GAS7: variants seen among roughly 807,000 people sequenced by gnomAD.
GAS7 encodes the protein growth arrest-specific protein 7.
Under a neutral mutation model 71.1 loss-of-function variants are expected in GAS7, and 28 were observed. The observed-to-expected ratio is 0.39, with a 90% CI of 0.29 to 0.54. The LOEUF is 0.54. Ranked by LOEUF, GAS7 falls within the 20% of genes least tolerant of loss-of-function variation. The pLI is 0.62. For synonymous variants in GAS7, 258 were observed against 245.8 expected (o/e 1.05, Z -0.46); for missense variants, 436 against 627.8 (o/e 0.69, Z 3.27).
chr17:9,983,440 A>C (rs1244641815), intron 2 of GAS7, among the ~76,000 whole-genome samples: 1 of 152,128 alleles, frequency 6.6e-6, no homozygotes, highest in African/African-American at 2.4e-5. Context: ...GCAGTGAGCC[A>C]TGATGGCGCC....
chr17:10,071,347 C>T (rs9910526), intron 1 of GAS7, among the ~76,000 whole-genome samples: 7,680 of 152,230 alleles, frequency 0.05, 671 homozygotes, highest in African/African-American at 0.18. Flanking sequence ...TGGGTCTGTG[C>T]CCAGGATACA....
At chr17:10,071,001 A>G (rs924728721) in intron 1 of GAS7, among the ~76,000 whole-genome samples, 1 of 151,928 alleles carries the variant, frequency 6.6e-6, no homozygotes, top group African/African-American at 2.4e-5. Flanking sequence ...GGACTCCCAC[A>G]TCCCCATCCC....
intron 9 of GAS7, among the ~76,000 whole-genome samples, chr17:9,927,238 C>T (rs1567781581): frequency 6.6e-6 from 1 of 150,830 alleles, no homozygotes; most frequent in Non-Finnish European, 1.5e-5. Context: ...CACCTGAGGT[C>T]AGGAGTTCGA....
intron 1 of GAS7, among the ~76,000 whole-genome samples, chr17:10,048,884 A>T (rs8069150): frequency 0.082 from 12,544 of 152,280 alleles, 1,103 homozygotes; most frequent in African/African-American, 0.22. Flanking sequence ...AAAAATCCAG[A>T]GAACTGTGTG....
chr17:10,142,102 C>G (rs1597816034), intron 1 of GAS7, among the ~76,000 whole-genome samples: 1 of 151,898 alleles, frequency 6.6e-6, no homozygotes, highest in Admixed American at 6.6e-5. Context: ...GTGGCAGGTG[C>G]CTGTAGTCCC....
intron 9 of GAS7, among the ~76,000 whole-genome samples, chr17:9,931,874 G>A (rs1410599751): frequency 2.0e-5 from 3 of 152,142 alleles, no homozygotes; most frequent in African/African-American, 7.2e-5. Context: ...AGTCATCTGA[G>A]TCATTCATTC....
chr17:9,925,475 C>G lies in GAS7; in HGVS notation c.1138+1G>C. The G allele has an allele frequency of 6.2e-7, 1 of 1,614,120 alleles. No individual in the cohort carries two copies. Among genetic ancestry groups the G allele is most frequent in the Non-Finnish European group, 8.5e-7 (1 of 1,179,998 alleles). On this transcript the variant is annotated splice_donor_variant, in intron 11 of 13. Coordinates refer to ENST00000432992, the MANE Select transcript of GAS7 (RefSeq NM_201433.2). LOFTEE classifies it high-confidence loss of function. ...AGGCCAGGCGGGTGCCCAGCACTTA[C>G]CAGCCTGTGTGGACTTTCTCCGCGC... is the stretch of plus-strand genomic sequence containing the variant.
chr17:10,050,804 T>C (rs576566649), intron 1 of GAS7, among the ~76,000 whole-genome samples: 4 of 152,254 alleles, frequency 2.6e-5, no homozygotes, highest in South Asian at 2.1e-4. Flanking sequence ...TAATTTTTTT[T>C]CCCCTACATC....
chr17:9,922,411 T>C (rs1419390426), intron 11 of GAS7, among the ~76,000 whole-genome samples: 1 of 152,238 alleles, frequency 6.6e-6, no homozygotes, highest in Admixed American at 6.5e-5. Flanking sequence ...TCCACCACTG[T>C]GGACCTCATG....
At chr17:9,917,384 C>A (rs1362707159) in intron 13 of GAS7, 43 bp from the exon 14 acceptor site, 32 of 1,353,628 alleles carry the variant, frequency 2.4e-5, no homozygotes, top group Non-Finnish European at 3.4e-5. Flanking sequence ...GAGACGGCGG[C>A]CAAGCCAGGG....
chr17:10,089,364 G>A (rs543102906), intron 1 of GAS7, among the ~76,000 whole-genome samples: 1 of 152,262 alleles, frequency 6.6e-6, no homozygotes, highest in South Asian at 2.1e-4. Flanking sequence ...CTGGCATGGA[G>A]CTTTGCAGCC....
chr17:10,195,110 G>A (rs1484000581), intron 1 of GAS7, among the ~76,000 whole-genome samples: 1 of 152,158 alleles, frequency 6.6e-6, no homozygotes, highest in East Asian at 1.9e-4. Context: ...ACACTTCCCT[G>A]CCTGTGCTGA....
rs397857157 is a variant in GAS7 at position 10,178,702 on chromosome 17, CTTTTTTTTTTTTT to C, written c.183+19493_183+19505del. On this transcript the variant is annotated intron_variant, in intron 1 of 13. Coordinates refer to ENST00000432992, the MANE Select transcript of GAS7 (RefSeq NM_201433.2). ...TCAACTCCCCTCCCTCCCCCACCAC[CTTTTTTTTTTTTT>C]TTTTTTTTTTTTTTTTTTGCTGATG... 1.2e-4 allele frequency among the ~76,000 whole-genome samples: 4 copies of C among 34,534 alleles called. 1 individual carries two copies. The highest frequency in any genetic ancestry group is 2.4e-4 in the African/African-American group (2 of 8,314). The allele number at this position is 34,534 out of a possible 152,430, so 22.7% of individuals were successfully genotyped here.
At position 9,926,274 on chromosome 17, in the gene GAS7, T is replaced by C. The variant is rs1008415172; in HGVS notation, c.1014+367A>G. The stretch of plus-strand genomic sequence containing the variant: ...GGAAGGAGAGCAGGGAGGCGGTGAC[T>C]GAGTCAGGACGACTCAGCCAGGTGA... On this transcript the variant is annotated intron_variant, in intron 10 of 13. Transcript: ENST00000432992. The surrounding 1 kb of genome is among the most constrained non-coding windows in gnomAD (Gnocchi z 5.0). Among the ~76,000 whole-genome samples the C allele has an allele frequency of 3.3e-5, 5 of 152,102 alleles. No homozygotes were observed. Among genetic ancestry groups the C allele is most frequent in the Admixed American group, 2.0e-4 (3 of 15,272 alleles).
chr17:10,036,040 G>A (rs1305822495), intron 1 of GAS7, among the ~76,000 whole-genome samples: 1 of 152,138 alleles, frequency 6.6e-6, no homozygotes, highest in Non-Finnish European at 1.5e-5. Flanking sequence ...TTACATGGAG[G>A]AAGCAAGGTT....
rs919491697 is a variant in GAS7, at chr17:9,913,257, G to A, written c.*3971C>T. The A allele has an allele frequency of 3.9e-5, 9 of 232,558 alleles. No homozygotes were observed. Among genetic ancestry groups the A allele is most frequent in the African/African-American group, 2.0e-4 (9 of 45,294 alleles). 14.4% of individuals were successfully genotyped at this position (232,558 alleles called of 1,614,324 possible). A position where few individuals can be genotyped will look rare whatever the true frequency, so the allele number is the denominator to read the frequency against. ...GATTATGGGGATAAGACGATGTCCA[G>A]GCTACGTGGGGGGGCAGCTGATCTG... is the stretch of plus-strand genomic sequence containing the variant. On this transcript the variant is annotated 3_prime_UTR_variant, in exon 14 of 14. Transcript: ENST00000432992.
chr17:10,137,392 T>A (rs567020977), intron 1 of GAS7, among the ~76,000 whole-genome samples: 181 of 148,564 alleles, frequency 1.2e-3, no homozygotes, highest in African/African-American at 4.4e-3. Context: ...TCCCCCACTT[T>A]ATTTATCTTC....
intron 1 of GAS7, among the ~76,000 whole-genome samples, chr17:10,160,539 G>A (rs1187637666): frequency 6.6e-6 from 1 of 152,210 alleles, no homozygotes; most frequent in Non-Finnish European, 1.5e-5. Context: ...CCTAGAGCCT[G>A]TGAATCCCAG....
At chr17:10,138,846 C>T (rs900973714) in intron 1 of GAS7, among the ~76,000 whole-genome samples, 10 of 152,144 alleles carry the variant, frequency 6.6e-5, no homozygotes, top group Non-Finnish European at 8.8e-5. Flanking sequence ...CTGTCCTATG[C>T]TCTTTCCATC....
Sources: allele counts gnomAD v4.1 joint callset (sites outside exome capture counted in the v4.1 genomes callset), GRCh38; gene constraint gnomAD v4.1.1; non-coding constraint Gnocchi (gnomAD v3.1); transcripts MANE v1.5; gene names NCBI Gene and HGNC (gene_info 2026-07-23, HGNC 2026-07-21).